PDE1C: variants seen among roughly 807,000 people sequenced by gnomAD.
PDE1C encodes dual specificity calcium/calmodulin-dependent 3',5'-cyclic nucleotide phosphodiesterase 1C.
In PDE1C, 62 loss-of-function variants were observed where a neutral mutation model predicts 93.1. The ratio of observed to expected loss-of-function variants is 0.67; its 90% confidence interval spans 0.54 to 0.82. The LOEUF is 0.82. PDE1C is among the 40% of genes least tolerant of loss of function. The pLI is 0.00. For synonymous variants in PDE1C, 325 were observed against 310.1 expected, an observed-to-expected ratio of 1.05 and a Z score of -0.50; for missense variants, 742 against 884.6, an observed-to-expected ratio of 0.84 and a Z score of 2.04.
intron 2 of PDE1C, among the ~76,000 whole-genome samples, chr7:31,890,070 G>A (rs1482588550): frequency 6.6e-6 from 1 of 152,132 alleles, no homozygotes; most frequent in African/African-American, 2.4e-5. Flanking sequence ...TTGTAGGCGA[G>A]CAGACCTTAT....
chr7:31,827,169 T>C (rs1789786366), intron 12 of PDE1C, among the ~76,000 whole-genome samples: 1 of 152,124 alleles, frequency 6.6e-6, no homozygotes. Context: ...CCGTACCCAA[T>C]GTTCTTGCCA....
At chr7:32,170,713 T>C (rs775145311) in intron 2 of PDE1C, among the ~76,000 whole-genome samples, 7 of 152,274 alleles carry the variant, frequency 4.6e-5, no homozygotes, top group Non-Finnish European at 8.8e-5. Context: ...GACAACCCAA[T>C]AGTATGCCTG....
chr7:31,802,173 ATT>A (rs1194520939), intron 16 of PDE1C, among the ~76,000 whole-genome samples: 2 of 151,008 alleles, frequency 1.3e-5, no homozygotes, highest in East Asian at 3.9e-4. Flanking sequence ...CTTGTTCTGG[ATT>A]AATTATTTTA....
intron 1 of PDE1C, among the ~76,000 whole-genome samples, chr7:32,328,244 G>T (rs1275550005): frequency 6.6e-6 from 1 of 152,106 alleles, no homozygotes; most frequent in East Asian, 1.9e-4. Context: ...CATTCTAGTG[G>T]TGTACAAAGC....
At chr7:31,946,892 C>A (rs1181374871) in intron 2 of PDE1C, among the ~76,000 whole-genome samples, 2 of 152,104 alleles carry the variant, frequency 1.3e-5, no homozygotes, top group Admixed American at 1.3e-4. Context: ...CTATCATTTT[C>A]TGTTGAAGGC....
the PDE1C span, among the ~76,000 whole-genome samples, chr7:31,648,125 A>G: frequency 2.0e-5 from 3 of 152,244 alleles, no homozygotes; most frequent in South Asian, 2.1e-4. Flanking sequence ...AAGTGCTTCC[A>G]TATTGTTTAT....
chr7:31,753,688 CTGG>C, intron 17 of PDE1C, 135 bp from the exon 18 acceptor site: 1 of 1,313,644 alleles, frequency 7.6e-7, no homozygotes, highest in Non-Finnish European at 1.0e-6. Flanking sequence ...TGGATTCTCC[CTGG>C]AAACCTTATG....
At position 32,178,537 on chromosome 7, in the gene PDE1C, T is replaced by C. The variant is rs191243858; in HGVS notation, c.137-8581A>G. Reference sequence around the variant, plus strand: ...TTCACACAGGTCTTTCTCAATAATATCAAAAACCCCATGAGGGAAATCTTA... The same window carrying C: ...TTCACACAGGTCTTTCTCAATAATACCAAAAACCCCATGAGGGAAATCTTA... On this transcript the variant is annotated intron_variant, in intron 2 of 18. Transcript: ENST00000396193. 7.9e-5 allele frequency among the ~76,000 whole-genome samples: 12 copies of C among 152,168 alleles called. No homozygotes were observed. In the East Asian group the frequency reaches 2.1e-3, roughly 27 times the overall value.
At chr7:31,789,978 T>G in intron 16 of PDE1C, 1 of 1,247,930 alleles carries the variant, frequency 8.0e-7, no homozygotes, top group East Asian at 3.3e-5. Flanking sequence ...TGTTTCTGTT[T>G]GAGTAAAAAT....
intron 1 of PDE1C, among the ~76,000 whole-genome samples, chr7:32,267,553 C>G (rs1160890729): frequency 6.7e-6 from 1 of 150,050 alleles, no homozygotes; most frequent in African/African-American, 2.5e-5. Flanking sequence ...ACAGAAAATG[C>G]AGCCTCTTTC....
chr7:31,864,921 A>G, intron 7 of PDE1C, 21 bp downstream of exon 7: 1 of 1,608,456 alleles, frequency 6.2e-7, no homozygotes, highest in Non-Finnish European at 8.5e-7. Context: ...GGGGAACCTA[A>G]GAGTTCCTAT....
At chr7:31,900,749 AT>A (rs1012294332) in intron 2 of PDE1C, among the ~76,000 whole-genome samples, 1 of 151,848 alleles carries the variant, frequency 6.6e-6, no homozygotes, top group African/African-American at 2.4e-5. Flanking sequence ...GTATCCTAGA[AT>A]TTTCTGTTTC....
intron 1 of PDE1C, among the ~76,000 whole-genome samples, chr7:32,374,288 A>AAAGG (rs1784394069): frequency 6.6e-6 from 1 of 150,688 alleles, no homozygotes; most frequent in South Asian, 2.1e-4. Flanking sequence ...AGAAAGAAAG[A>AAAGG]AAGAAAGAAA....
intron 2 of PDE1C, among the ~76,000 whole-genome samples, chr7:32,009,976 G>T (rs1358227047): frequency 6.6e-6 from 1 of 152,166 alleles, no homozygotes; most frequent in South Asian, 2.1e-4. Flanking sequence ...ACAAGAGATT[G>T]TCAAGACCTG....
chr7:32,410,458 A>G (rs1416098951), intron 1 of PDE1C, among the ~76,000 whole-genome samples: 2 of 152,094 alleles, frequency 1.3e-5, no homozygotes, highest in Admixed American at 6.6e-5. Context: ...GAGGAGGAAG[A>G]GGAAGGAAAC....
intron 2 of PDE1C, among the ~76,000 whole-genome samples, chr7:31,888,468 CA>C (rs763510199): frequency 2.6e-5 from 4 of 151,438 alleles, no homozygotes; most frequent in Admixed American, 6.6e-5. Context: ...ATGGATAGGT[CA>C]AGCAAGACTG....
At chr7:32,204,178 G>A (rs1309664516) in intron 2 of PDE1C, among the ~76,000 whole-genome samples, 2 of 152,074 alleles carry the variant, frequency 1.3e-5, no homozygotes, top group Admixed American at 6.5e-5. Context: ...CTGGACAAAG[G>A]GAGGATTAAC....
the PDE1C span, among the ~76,000 whole-genome samples, chr7:31,703,344 G>A: frequency 6.6e-6 from 1 of 152,218 alleles, no homozygotes; most frequent in Non-Finnish European, 1.5e-5. Flanking sequence ...TACCTGGCAT[G>A]AGTGCTGCCT....
chr7:31,719,983 A>G, the PDE1C span, among the ~76,000 whole-genome samples: 4 of 151,806 alleles, frequency 2.6e-5, no homozygotes, highest in Non-Finnish European at 5.9e-5. Context: ...TAACAAGGTG[A>G]AACCCCGTCT....
Sources: gnomAD v4.1 joint callset for allele counts (sites outside exome capture counted in the v4.1 genomes callset) on GRCh38, gnomAD v4.1.1 for gene constraint, MANE v1.5 for transcripts, NCBI Gene and HGNC (gene_info 2026-07-23, HGNC 2026-07-21) for gene names.